ZNF320: variants seen among roughly 807,000 people sequenced by gnomAD.
The protein encoded by ZNF320 is zinc finger gene 320.
Under a neutral mutation model 6.8 loss-of-function variants are expected in ZNF320, and 2 were observed. That is an observed-to-expected ratio of 0.29 (90% CI 0.12 to 0.93). The LOEUF is 0.93. Among genes scored for constraint, ZNF320 ranks in the 40% least tolerant of loss-of-function variants. The probability of loss-of-function intolerance (pLI) is 0.55; values close to 1 mark genes in which losing one functional copy is unlikely to be tolerated. For missense variants in ZNF320, 472 were observed against 611.0 expected (o/e 0.77, Z 2.40); for synonymous variants, 208 against 203.2 (o/e 1.02, Z -0.20).
At chr19:52,884,835 T>C (rs1179857832) in intron 5 of ZNF320, among the ~76,000 whole-genome samples, 1 of 152,158 alleles carries the variant, frequency 6.6e-6, no homozygotes, top group Non-Finnish European at 1.5e-5. Flanking sequence ...CTGACAAATC[T>C]TATTAAACAA....
chr19:52,874,750 G>T (rs2063736159), downstream of ZNF320, among the ~76,000 whole-genome samples: 1 of 152,138 alleles, frequency 6.6e-6, no homozygotes, highest in Non-Finnish European at 1.5e-5. Flanking sequence ...TGTCATATGG[G>T]GGCTGTGGGT....
At chr19:52,891,742 T>A (rs2064300903) in intron 2 of ZNF320, among the ~76,000 whole-genome samples, 1 of 152,078 alleles carries the variant, frequency 6.6e-6, no homozygotes, top group Non-Finnish European at 1.5e-5. Flanking sequence ...TGGTGGAGGG[T>A]TCCCTGCCAG....
exon 6 of ZNF320, chr19:52,862,409 A>G: frequency 2.2e-6 from 1 of 449,928 alleles, no homozygotes; most frequent in East Asian, 6.3e-5. Flanking sequence ...TACGACTGAA[A>G]ACTTTGTCAC....
At chr19:52,861,855 A>G (rs2063488469) in exon 6 of ZNF320, 2 of 389,338 alleles carry the variant, frequency 5.1e-6, no homozygotes, top group Non-Finnish European at 5.2e-6. Flanking sequence ...ATTTCTGTCC[A>G]GTAGGGATTC....
In ZNF320 at chr19:52,881,434, GTTGC is replaced by G; in HGVS notation, c.688_691del (p.Ala230ProfsTer59). 1 of 1,613,236 alleles carries G rather than the reference GTTGC, an allele frequency of 6.2e-7. No homozygotes were observed. The highest frequency in any genetic ancestry group is 2.2e-5 in the East Asian group (1 of 44,778). On this transcript the variant is annotated frameshift_variant, in exon 6 of 6. Coordinates refer to ENST00000682928, the MANE Select transcript of ZNF320 (RefSeq NM_001351774.2). LOFTEE classifies it low-confidence loss of function (END_TRUNC). ...ATGACTTCTATGATGACATGCAAGGGTTGCTTTTTGATCAAAAACCTTGCCACAT... is the reference window on the plus strand; with the variant it reads ...ATGACTTCTATGATGACATGCAAGGGTTTTTGATCAAAAACCTTGCCACAT...
downstream of ZNF320, among the ~76,000 whole-genome samples, chr19:52,871,280 T>C (rs961906357): frequency 2.6e-5 from 4 of 152,098 alleles, no homozygotes; most frequent in Non-Finnish European, 5.9e-5. Flanking sequence ...AATTGTGCCA[T>C]TGTACTCCAA....
intron 4 of ZNF320, among the ~76,000 whole-genome samples, chr19:52,889,460 T>G (rs1362842228): frequency 3.3e-5 from 5 of 151,704 alleles, no homozygotes; most frequent in Non-Finnish European, 4.4e-5. Context: ...TCAGAAAAAA[T>G]AATAATAATA....
At chr19:52,859,866 G>C (rs763908282), downstream of ZNF320, among the ~76,000 whole-genome samples, 2 of 151,768 alleles carry the variant, frequency 1.3e-5, no homozygotes, top group Non-Finnish European at 2.9e-5. Context: ...TTACAAAGTA[G>C]GGTGTCCTCA....
intron 5 of ZNF320, 137 bp from the exon 6 acceptor site, chr19:52,882,120 A>T: frequency 1.2e-6 from 1 of 864,478 alleles, no homozygotes; most frequent in South Asian, 2.3e-5. Context: ...AGGAACACAA[A>T]ACAAGTAAGA....
chr19:52,889,495 C>T (rs2064216590), intron 4 of ZNF320, among the ~76,000 whole-genome samples: 1 of 152,054 alleles, frequency 6.6e-6, no homozygotes, highest in Admixed American at 6.6e-5. Context: ...AAGAATATGG[C>T]TTTATCCTCT....
upstream of ZNF320, among the ~76,000 whole-genome samples, chr19:52,898,352 G>A (rs2064533544): frequency 6.6e-6 from 1 of 152,140 alleles, no homozygotes; most frequent in South Asian, 2.1e-4. Flanking sequence ...ATGTGGGCGA[G>A]GTGGCGAGTC....
At chr19:52,894,230 C>T (rs1047505219) in intron 1 of ZNF320, 5 of 151,860 alleles carry the variant, frequency 3.3e-5, no homozygotes, top group African/African-American at 1.2e-4. Flanking sequence ...ACTAAAAATA[C>T]AAAGATTAGC....
chr19:52,869,806 A>G (rs1364717949), intron 5 of ZNF320, among the ~76,000 whole-genome samples: 1 of 151,848 alleles, frequency 6.6e-6, no homozygotes, highest in Non-Finnish European at 1.5e-5. Context: ...ACTTCCGTCT[A>G]ATGGTTTCAC....
chr19:52,896,607 GC>G lies in ZNF320; in HGVS notation c.-270+912del, dbSNP rs535219418. On this transcript the variant is annotated intron_variant, in intron 1 of 5. Coordinates refer to ENST00000682928, the MANE Select transcript of ZNF320 (RefSeq NM_001351774.2). The stretch of plus-strand genomic sequence containing the variant: ...GGCTGTGGTCCCAGCTACTCTGCAG[GC>G]TGAGGTGACAGGATCGCTTGAGCAT... 5.8e-3 allele frequency among the ~76,000 whole-genome samples: 885 copies of G among 152,176 alleles called. 7 individuals are homozygous for G. The highest frequency in any genetic ancestry group is 0.02 in the African/African-American group (848 of 41,536).
chr19:52,899,309 A>G (rs943096106), upstream of ZNF320, among the ~76,000 whole-genome samples: 4 of 152,170 alleles, frequency 2.6e-5, no homozygotes, highest in African/African-American at 7.2e-5. Flanking sequence ...GTACGGGTAC[A>G]TGTGTCAGTT....
chr19:52,878,633 C>T lies in ZNF320; in HGVS notation c.*1963G>A, dbSNP rs960984970. ...TGGTGATTTATTTTGGGAATCGTCCCCATAACCTTTTCATAAAGCATCAAT... is the reference window on the plus strand; with the variant it reads ...TGGTGATTTATTTTGGGAATCGTCCTCATAACCTTTTCATAAAGCATCAAT... On this transcript the variant is annotated 3_prime_UTR_variant, in exon 6 of 6. Coordinates refer to ENST00000682928, the MANE Select transcript of ZNF320 (RefSeq NM_001351774.2). 6.6e-6 allele frequency: 1 copy of T among 152,080 alleles called. No individual in the cohort carries two copies. Among genetic ancestry groups the T allele is most frequent in the African/African-American group, 2.4e-5 (1 of 41,400 alleles). The allele number at this position is 152,080 out of a possible 1,614,324, so 9.4% of individuals were successfully genotyped here.
Position 52,877,088 on chromosome 19 carries a change from C to T in ZNF320, c.*3508G>A, listed in dbSNP as rs2147797678. The T allele has an allele frequency of 6.6e-6, 1 of 152,418 alleles. No homozygotes were observed. The highest frequency in any genetic ancestry group is 1.5e-5 in the Non-Finnish European group (1 of 68,132). 9.4% of individuals were successfully genotyped at this position (152,418 alleles called of 1,614,324 possible). A position where few individuals can be genotyped will look rare whatever the true frequency, so the allele number is the denominator to read the frequency against. On this transcript the variant is annotated 3_prime_UTR_variant, in exon 6 of 6. Transcript: ENST00000682928. Reference sequence around the variant, plus strand: ...TGTCACCGCTCTCATGCCTGGCCAACAGAATGAGACCCATCTTTAATAGAA... The same window carrying T: ...TGTCACCGCTCTCATGCCTGGCCAATAGAATGAGACCCATCTTTAATAGAA...
At chr19:52,868,921 T>C (rs559592068) in intron 5 of ZNF320, among the ~76,000 whole-genome samples, 1 of 152,196 alleles carries the variant, frequency 6.6e-6, no homozygotes, top group Admixed American at 6.5e-5. Context: ...CTTGACTTAC[T>C]CAGTGAGAGT....
In ZNF320 at chr19:52,888,622, T is replaced by G. The variant is rs79423073; in HGVS notation, c.16-369A>C. ...TCTAGCCTGGGCAACAAAGCAAGACTCTCTCTCAAAATAAAATAAAATACA... is the reference window on the plus strand; with the variant it reads ...TCTAGCCTGGGCAACAAAGCAAGACGCTCTCTCAAAATAAAATAAAATACA... On this transcript the variant is annotated intron_variant, in intron 4 of 5. Transcript: ENST00000682928. Among the ~76,000 whole-genome samples, 7 of 103,656 alleles carry G rather than the reference T, an allele frequency of 6.8e-5. 1 individual carries two copies. In the South Asian group the frequency reaches 2.1e-3, roughly 32 times the overall value. The allele number at this position is 103,656 out of a possible 152,430, so 68.0% of individuals were successfully genotyped here. A position where few individuals can be genotyped will look rare whatever the true frequency, so the allele number is the denominator to read the frequency against.
Sources: gnomAD v4.1 joint callset for allele counts (sites outside exome capture counted in the v4.1 genomes callset) on GRCh38, gnomAD v4.1.1 for gene constraint, MANE v1.5 for transcripts, NCBI Gene and HGNC (gene_info 2026-07-23, HGNC 2026-07-21) for gene names.